Variants in LARP4B observed in about 807,000 individuals in gnomAD.
LARP4B encodes the protein La ribonucleoprotein 4B.
LARP4B carries 12 observed loss-of-function variants against 89.8 expected under a neutral mutation model. The ratio of observed to expected loss-of-function variants is 0.13; its 90% CI spans 0.09 to 0.22. The LOEUF is 0.22. Among genes scored for constraint, LARP4B ranks in the 10% least tolerant of loss-of-function variants. The pLI is 1.00. For missense variants in LARP4B, 757 were observed against 947.7 expected (o/e 0.80, Z 2.64); for synonymous variants, 367 against 363.3 (o/e 1.01, Z -0.12).
At chr10:882,279 C>T (rs1835701478) in intron 3 of LARP4B, among the ~76,000 whole-genome samples, 1 of 151,346 alleles carries the variant, frequency 6.6e-6, no homozygotes, top group African/African-American at 2.4e-5. Context: ...GAACAGAACA[C>T]AGTACCAGAA....
chr10:958,803 C>G, the LARP4B span, among the ~76,000 whole-genome samples: 2 of 152,226 alleles, frequency 1.3e-5, no homozygotes, highest in Non-Finnish European at 2.9e-5. Context: ...TGGGGGTCCA[C>G]GTGGAGTCAC....
intron 5 of LARP4B, among the ~76,000 whole-genome samples, chr10:851,039 C>G (rs1215419095): frequency 6.6e-6 from 1 of 152,106 alleles, no homozygotes; most frequent in Non-Finnish European, 1.5e-5. Context: ...TTAATGAGCT[C>G]TGCTTCCACC....
chr10:830,136 A>C (rs962632232), intron 9 of LARP4B, among the ~76,000 whole-genome samples: 4 of 152,222 alleles, frequency 2.6e-5, no homozygotes, highest in Non-Finnish European at 4.4e-5. Context: ...ATAACATCCA[A>C]AAGTCATTCT....
intron 1 of LARP4B, among the ~76,000 whole-genome samples, chr10:886,708 C>T (rs1038635512): frequency 1.3e-5 from 2 of 152,274 alleles, no homozygotes; most frequent in Non-Finnish European, 2.9e-5. Flanking sequence ...GTGAAACACA[C>T]CAGCACAAAA....
At chr10:907,415 AATTTTC>A (rs1197869258) in intron 1 of LARP4B, among the ~76,000 whole-genome samples, 7 of 152,306 alleles carry the variant, frequency 4.6e-5, no homozygotes, top group East Asian at 1.9e-4. Context: ...ACTTTGAGTT[AATTTTC>A]ATTTTCATTT....
At chr10:903,292 G>A (rs1836394421) in intron 1 of LARP4B, 1 of 152,192 alleles carries the variant, frequency 6.6e-6, no homozygotes, top group Non-Finnish European at 1.5e-5. Context: ...TATACCCAGA[G>A]TCCAGAGGAG....
At chr10:833,266 AAAAAAAAAAAAAAAAAAAC>A (rs1244168043) in intron 8 of LARP4B, among the ~76,000 whole-genome samples, 1 of 146,554 alleles carries the variant, frequency 6.8e-6, no homozygotes, top group Non-Finnish European at 1.5e-5. Flanking sequence ...AAAAAAAAAA[AAAAAAAAAAAAAAAAAAAC>A]CTCAAAATGT....
the LARP4B span, among the ~76,000 whole-genome samples, chr10:965,391 C>T: frequency 1.6e-4 from 24 of 152,148 alleles, no homozygotes; most frequent in African/African-American, 5.8e-4. Context: ...CATTTCCCCA[C>T]CTCTGTGCGG....
chr10:900,279 G>A (rs1055623377), intron 1 of LARP4B, among the ~76,000 whole-genome samples: 1 of 152,044 alleles, frequency 6.6e-6, no homozygotes, highest in Non-Finnish European at 1.5e-5. Flanking sequence ...CCTGGGAGAA[G>A]AAGGTTGCAG....
chr10:878,901 T>C (rs1401607481), intron 3 of LARP4B, among the ~76,000 whole-genome samples: 2 of 152,206 alleles, frequency 1.3e-5, no homozygotes, highest in South Asian at 2.1e-4. Context: ...ATGATGCAAA[T>C]ACTAAGCAAT....
chr10:935,722 CTTTTTTT>C (rs10711022), upstream of LARP4B, among the ~76,000 whole-genome samples: 7 of 83,918 alleles, frequency 8.3e-5, no homozygotes, highest in African/African-American at 3.1e-4. Context: ...CTTTTCTTTT[CTTTTTTT>C]TTTTTTTTTT....
rs75407169 is a variant in LARP4B at position 883,775 on chromosome 10, A to G, written c.141+672T>C. On this transcript the variant is annotated intron_variant, in intron 3 of 17. Transcript: ENST00000316157. ...CACAGTGAGACCTCGTCTCTATTTG[A>G]AAAAAAAAACAATTGGATTAACAAT... Among the ~76,000 whole-genome samples, 48 of 143,820 alleles carry G rather than the reference A, an allele frequency of 3.3e-4. 1 individual carries two copies. The highest frequency in any genetic ancestry group is 7.1e-3 in the Middle Eastern group (2 of 282). The allele number at this position is 143,820 out of a possible 152,430, so 94.4% of individuals were successfully genotyped here. A position where few individuals can be genotyped will look rare whatever the true frequency, so the allele number is the denominator to read the frequency against.
chr10:817,944 T>A, intron 14 of LARP4B, 55 bp from the exon 15 acceptor site: 1 of 1,541,282 alleles, frequency 6.5e-7, no homozygotes, highest in South Asian at 1.2e-5. Context: ...GCCAAGCAGC[T>A]TCTCGTTTCC....
At chr10:925,320 C>G (rs1284604521) in intron 1 of LARP4B, among the ~76,000 whole-genome samples, 3 of 152,234 alleles carry the variant, frequency 2.0e-5, no homozygotes, top group East Asian at 3.9e-4. Context: ...GAAAATGAAC[C>G]CTTTTCTTAC....
In LARP4B at chr10:815,083, C is replaced by T; in HGVS notation, c.1696-13G>A. 1 of 1,542,270 alleles carries T rather than the reference C, an allele frequency of 6.5e-7. No individual in the cohort carries two copies. The highest frequency in any genetic ancestry group is 1.2e-5 in the South Asian group (1 of 80,116). Reference sequence around the variant, plus strand: ...CTGCACTGAGGGTCTGAAACAGGGTCAAGAGTGTTCATCAGAGTCCTGCCG... The same window carrying T: ...CTGCACTGAGGGTCTGAAACAGGGTTAAGAGTGTTCATCAGAGTCCTGCCG... On this transcript the variant is annotated splice_polypyrimidine_tract_variant and intron_variant, in intron 15 of 17. Coordinates refer to ENST00000316157, the MANE Select transcript of LARP4B (RefSeq NM_015155.3).
chr10:917,646 C>T (rs1836858445), intron 1 of LARP4B, among the ~76,000 whole-genome samples: 1 of 152,166 alleles, frequency 6.6e-6, no homozygotes. Context: ...AGCCCAGGAA[C>T]CTCAAGATAT....
chr10:867,035 A>C (rs1834935915), intron 3 of LARP4B, among the ~76,000 whole-genome samples: 1 of 152,222 alleles, frequency 6.6e-6, no homozygotes, highest in Admixed American at 6.5e-5. Flanking sequence ...AAATAACATA[A>C]ATTTATATTT....
chr10:956,459 C>A, the LARP4B span, among the ~76,000 whole-genome samples: 1 of 151,938 alleles, frequency 6.6e-6, no homozygotes, highest in South Asian at 2.1e-4. This position sits in a 1 kb window ranked among gnomAD's most constrained non-coding sequence, Gnocchi z 4.3. Context: ...CATTCTCCTG[C>A]CTCAGCCTCC....
the LARP4B span, among the ~76,000 whole-genome samples, chr10:951,872 T>A: frequency 6.8e-6 from 1 of 147,256 alleles, no homozygotes; most frequent in Non-Finnish European, 1.5e-5. Context: ...ACCAACTGCA[T>A]AACATACAAC....
Sources: allele counts gnomAD v4.1 joint callset (sites outside exome capture counted in the v4.1 genomes callset), GRCh38; gene constraint gnomAD v4.1.1; non-coding constraint Gnocchi (gnomAD v3.1); transcripts MANE v1.5; gene names NCBI Gene and HGNC (gene_info 2026-07-23, HGNC 2026-07-21).